The following INSYN2B variants were observed in gnomAD, a reference collection of about 807,000 sequenced individuals.
INSYN2B encodes the protein protein INSYN2B.
A neutral mutation model predicts 41.2 loss-of-function variants in INSYN2B; 16 were observed. That is an observed-to-expected ratio of 0.39 (90% CI 0.26 to 0.59). INSYN2B has a LOEUF of 0.59. INSYN2B is among the 20% of genes least tolerant of loss of function. The pLI is 0.57. For synonymous variants in INSYN2B, 245 were observed against 244.4 expected (o/e 1.00, Z -0.02); for missense variants, 608 against 646.4 (o/e 0.94, Z 0.64).
chr5:169,966,602 C>T (rs750280959), intron 1 of INSYN2B, among the ~76,000 whole-genome samples: 1 of 152,148 alleles, frequency 6.6e-6, no homozygotes, highest in Non-Finnish European at 1.5e-5. Flanking sequence ...CCACACTCAG[C>T]ATAGGACCTG....
chr5:169,952,407 T>C (rs1776698698), intron 1 of INSYN2B, among the ~76,000 whole-genome samples: 1 of 152,104 alleles, frequency 6.6e-6, no homozygotes, highest in Non-Finnish European at 1.5e-5. Context: ...ATTTTAATTA[T>C]GGCTCCCCTT....
intron 1 of INSYN2B, among the ~76,000 whole-genome samples, chr5:169,920,522 C>T (rs74972792): frequency 0.036 from 5,404 of 151,806 alleles, 187 homozygotes; most frequent in East Asian, 0.2. Context: ...AAATGCAAAC[C>T]GAGATCTCAC....
Position 169,881,588 on chromosome 5 carries a change from A to G in INSYN2B, c.1347-146T>C, listed in dbSNP as rs1036967955. The stretch of plus-strand genomic sequence containing the variant: ...GGCCATTACAAATAAGGAAACAAGA[A>G]TGTCACGACAATAGGAGCTCACATG... On this transcript the variant is annotated intron_variant, in intron 2 of 3. Transcript: ENST00000377365. 57 of 652,824 alleles carry G rather than the reference A, an allele frequency of 8.7e-5. No homozygotes were observed. The Middle Eastern group carries it at 1.2e-3, about 14-fold the overall frequency. 40.4% of individuals were successfully genotyped at this position (652,824 alleles called of 1,614,324 possible). A position where few individuals can be genotyped will look rare whatever the true frequency, so the allele number is the denominator to read the frequency against.
In INSYN2B at chr5:169,959,693, T is replaced by G. The variant is rs185761977; in HGVS notation, c.-919+20584A>C. 1.4e-3 allele frequency among the ~76,000 whole-genome samples: 206 copies of G among 152,344 alleles called. 2 individuals carry two copies. The highest frequency in any genetic ancestry group is 2.1e-4 in the Non-Finnish European group (14 of 68,028). ...TCCGTCCAGTTCTCAGGTCTCCAAC[T>G]GTGTGTTACTTGGCCTTGACTAGAT... On this transcript the variant is annotated intron_variant, in intron 1 of 3. Transcript: ENST00000377365.
chr5:169,972,493 C>CATTATTA (rs11280710), intron 1 of INSYN2B, among the ~76,000 whole-genome samples: 114,978 of 151,262 alleles, frequency 0.76, 44,780 homozygotes, highest in African/African-American at 0.94. Context: ...TATTTCAAGG[C>CATTATTA]AATGCCCTTT....
rs1156279903 is a variant in INSYN2B at position 169,883,729 on chromosome 5, T to A, written c.170A>T (p.Gln57Leu). The change falls in exon 2 of 4, where the codon CAA (glutamine) becomes CTA (leucine). Residue 57 changes from glutamine to leucine, a missense_variant. Gln to Leu is a moderately radical substitution (Grantham distance 113, BLOSUM62 -2). Coordinates refer to ENST00000377365, the MANE Select transcript of INSYN2B (RefSeq NM_001129891.3). ...NPTGLAEVDV[Q>L]TPEDPAVMGK... ...CATCACAGCCGGGTCTTCTGGAGTT[T>A]GGACGTCAACCTCAGCTAGGCCAGT... is the stretch of plus-strand genomic sequence containing the variant. The A allele has an allele frequency of 1.9e-6, 3 of 1,551,630 alleles. No individual in the cohort carries two copies. In the Admixed American group the frequency reaches 5.9e-5, roughly 30 times the overall value.
chr5:169,889,449 T>G (rs1457903326), intron 1 of INSYN2B, among the ~76,000 whole-genome samples: 1 of 152,208 alleles, frequency 6.6e-6, no homozygotes, highest in Non-Finnish European at 1.5e-5. Context: ...GAAAGGACCT[T>G]GTAATGCCAA....
intron 1 of INSYN2B, among the ~76,000 whole-genome samples, chr5:169,903,520 AG>A (rs1774076027): frequency 1.1e-5 from 1 of 89,452 alleles, no homozygotes; most frequent in South Asian, 4.2e-4. Flanking sequence ...AGTAGGAGCC[AG>A]CGGGGGCCGG....
At chr5:169,918,594 TATG>T (rs1283568819) in intron 1 of INSYN2B, among the ~76,000 whole-genome samples, 2 of 152,218 alleles carry the variant, frequency 1.3e-5, no homozygotes, top group Non-Finnish European at 2.9e-5. Flanking sequence ...TATTGTCCAA[TATG>T]ATACTGTTTA....
intron 3 of INSYN2B, among the ~76,000 whole-genome samples, chr5:169,880,896 C>T (rs1772602107): frequency 6.6e-6 from 1 of 152,164 alleles, no homozygotes; most frequent in Non-Finnish European, 1.5e-5. Flanking sequence ...ACATAAAGTT[C>T]TTATCATGGT....
chr5:169,972,590 A>AGATAGAT (rs1561859832), intron 1 of INSYN2B, among the ~76,000 whole-genome samples: 121 of 116,320 alleles, frequency 1.0e-3, no homozygotes, highest in Non-Finnish European at 1.4e-3. Flanking sequence ...GATAGATGAT[A>AGATAGAT]GATAGATAGA....
At chr5:169,913,253 C>T (rs1387784350) in intron 1 of INSYN2B, among the ~76,000 whole-genome samples, 2 of 152,228 alleles carry the variant, frequency 1.3e-5, no homozygotes, top group Non-Finnish European at 2.9e-5. Context: ...CGGCTCTACT[C>T]ATCCCAAGAG....
At chr5:169,876,151 C>G (rs142580397) in intron 3 of INSYN2B, among the ~76,000 whole-genome samples, 231 of 152,318 alleles carry the variant, frequency 1.5e-3, no homozygotes, top group Admixed American at 0.013. Context: ...GACTCTGATC[C>G]TCTGGCCTCC....
chr5:169,885,513 C>A (rs1772922182), intron 1 of INSYN2B, among the ~76,000 whole-genome samples: 1 of 152,206 alleles, frequency 6.6e-6, no homozygotes, highest in Admixed American at 6.5e-5. Context: ...AAATTCTCCC[C>A]TGATGTCTTC....
At chr5:169,879,367 T>TA (rs955547089) in intron 3 of INSYN2B, among the ~76,000 whole-genome samples, 5 of 151,554 alleles carry the variant, frequency 3.3e-5, no homozygotes, top group African/African-American at 7.3e-5. Context: ...GAATGTTTTC[T>TA]AAAAAAAAAT....
At chr5:169,910,291 C>T (rs261005) in intron 1 of INSYN2B, among the ~76,000 whole-genome samples, 54,054 of 151,978 alleles carry the variant, frequency 0.36, 10,362 homozygotes, top group East Asian at 0.51. Flanking sequence ...CGGTTACCAC[C>T]GCATGGAATA....
chr5:169,979,511 T>C (rs1777864434), intron 1 of INSYN2B, among the ~76,000 whole-genome samples: 1 of 152,190 alleles, frequency 6.6e-6, no homozygotes, highest in South Asian at 2.1e-4. Flanking sequence ...GAAAGGAGAC[T>C]TTTCTGAATA....
intron 3 of INSYN2B, among the ~76,000 whole-genome samples, chr5:169,876,723 C>T (rs1383204174): frequency 2.0e-5 from 3 of 152,210 alleles, no homozygotes; most frequent in Non-Finnish European, 4.4e-5. Context: ...AGAAGCCCTC[C>T]TTCCTAATAA....
chr5:169,901,067 T>C (rs900103461), intron 1 of INSYN2B, among the ~76,000 whole-genome samples: 1 of 152,040 alleles, frequency 6.6e-6, no homozygotes, highest in African/African-American at 2.4e-5. Context: ...GACCAAAAAA[T>C]AGAGGCCGGT....
Sources: gnomAD v4.1 joint callset for allele counts (sites outside exome capture counted in the v4.1 genomes callset) on GRCh38, gnomAD v4.1.1 for gene constraint, MANE v1.5 for transcripts, NCBI Gene and HGNC (gene_info 2026-07-23, HGNC 2026-07-21) for gene names.